The following PINK1 variants were observed in gnomAD, a reference collection of about 807,000 sequenced individuals.
PINK1 encodes PTEN induced kinase 1.
Under a neutral mutation model 56.0 loss-of-function variants are expected in PINK1, and 58 were observed. The observed-to-expected ratio is 1.04, with a 90% CI of 0.84 to 1.29. PINK1 has a LOEUF of 1.29. PINK1 is among the 50% of genes most tolerant of loss of function. The pLI is 0.00. For missense variants in PINK1, 745 were observed against 777.9 expected (o/e 0.96, Z 0.50); for synonymous variants, 354 against 339.3 (o/e 1.04, Z -0.48).
Position 20,633,955 on chromosome 1 carries a change from A to T in PINK1, c.387+20A>T. ...ATCCAGGTGAGCGGGGCCGGGTCCT[A>T]AGCCGAGCGGAGGACGGAGCTAAGC... On this transcript the variant is annotated intron_variant, in intron 1 of 7. Coordinates refer to ENST00000321556, the MANE Select transcript of PINK1 (RefSeq NM_032409.3). 2.5e-6 allele frequency: 4 copies of T among 1,575,910 alleles called. No homozygotes were observed. The African/African-American group carries it at 5.4e-5, about 21-fold the overall frequency.
intron 4 of PINK1, 79 bp downstream of exon 4, chr1:20,644,751 T>C: frequency 1.9e-6 from 3 of 1,542,738 alleles, no homozygotes; most frequent in Non-Finnish European, 2.7e-6. Flanking sequence ...CATGTGCACC[T>C]TGATCAGGGG....
chr1:20,645,429 C>T, intron 4 of PINK1, 131 bp from the exon 5 acceptor site: 5 of 1,044,108 alleles, frequency 4.8e-6, no homozygotes, highest in East Asian at 2.6e-5. Context: ...GTGGAGGTTG[C>T]AGTGAGCCAA....
intron 5 of PINK1, among the ~76,000 whole-genome samples, chr1:20,646,875 CTTATTTAT>C (rs113841130): frequency 3.5e-4 from 49 of 140,168 alleles, no homozygotes; most frequent in East Asian, 6.1e-4. Flanking sequence ...TATTTATTTA[CTTATTTAT>C]TTATTTATTT....
At position 20,638,230 on chromosome 1, in the gene PINK1, G is replaced by C. The variant is rs148561148; in HGVS notation, c.675+101G>C. 9.5e-5 allele frequency: 133 copies of C among 1,398,706 alleles called. No homozygotes were observed. In the East Asian group the frequency reaches 3.2e-3, roughly 34 times the overall value. The allele number at this position is 1,398,706 out of a possible 1,614,324, so 86.6% of individuals were successfully genotyped here. A position where few individuals can be genotyped will look rare whatever the true frequency, so the allele number is the denominator to read the frequency against. The stretch of plus-strand genomic sequence containing the variant: ...TCCAGGAAGTAGGTAGGAAAAGACA[G>C]ATTATCCACAGGAAAGGTGCCTGTA... On this transcript the variant is annotated intron_variant, in intron 2 of 7. Coordinates refer to ENST00000321556, the MANE Select transcript of PINK1 (RefSeq NM_032409.3).
At chr1:20,634,113 G>A (rs2053029680) in intron 1 of PINK1, among the ~76,000 whole-genome samples, 178 bp downstream of exon 1, 1 of 152,196 alleles carries the variant, frequency 6.6e-6, no homozygotes, top group African/African-American at 2.4e-5. Context: ...TATAAATAAA[G>A]CCAGCACCTC....
intron 7 of PINK1, 141 bp from the exon 8 acceptor site, chr1:20,650,293 A>AGT: frequency 8.8e-7 from 1 of 1,132,910 alleles, no homozygotes; most frequent in Non-Finnish European, 1.3e-6. Context: ...TTGTCACCTG[A>AGT]GTGAAGGGCA....
Position 20,650,852 on chromosome 1 carries a change from A to G in PINK1, c.*161A>G. 1.1e-6 allele frequency: 1 copy of G among 931,030 alleles called. No homozygotes were observed. The highest frequency in any genetic ancestry group is 1.6e-6 in the Non-Finnish European group (1 of 608,426). 57.7% of individuals were successfully genotyped at this position (931,030 alleles called of 1,614,324 possible). On this transcript the variant is annotated 3_prime_UTR_variant, in exon 8 of 8. Transcript: ENST00000321556. Reference sequence around the variant, plus strand: ...CTTGGCAAATGGAAGAACTTGAGTGAGAGTTCAGTCTGCAGTCCTCTGCTC... The same window carrying G: ...CTTGGCAAATGGAAGAACTTGAGTGGGAGTTCAGTCTGCAGTCCTCTGCTC...
chr1:20,635,781 AG>A (rs1227012218), intron 1 of PINK1, among the ~76,000 whole-genome samples: 1 of 150,482 alleles, frequency 6.6e-6, no homozygotes, highest in East Asian at 2.0e-4. Context: ...CCCGGGAGGC[AG>A]GGCTTGCAGT....
rs61749520 is a variant in PINK1, at chr1:20,650,566, G to T, written c.1621G>T (p.Ala541Ser). 5.6e-6 allele frequency: 9 copies of T among 1,614,124 alleles called. No individual in the cohort carries two copies. In the African/African-American group the frequency reaches 1.2e-4, roughly 22 times the overall value. ...CCAACAATCGGCCGCCACTTTGTTG[G>T]CCAACAGGCTCACAGAGAAGTGTTG... ...LLQQSAATLLANRLTEKCCVE... is the reference protein window; with the variant it reads ...LLQQSAATLLSNRLTEKCCVE... Residue 541 changes from alanine (A) to serine (S), a missense_variant, in exon 8 of 8, where the codon GCC becomes TCC. Coordinates refer to ENST00000321556, the MANE Select transcript of PINK1 (RefSeq NM_032409.3).
intron 7 of PINK1, chr1:20,649,687 C>A: frequency 5.5e-6 from 1 of 183,324 alleles, no homozygotes; most frequent in Non-Finnish European, 1.2e-5. Context: ...ATCGTTTGAA[C>A]CCTGGAGGCA....
rs2053233024 is a variant in PINK1 at position 20,649,214 on chromosome 1, C to G, written c.1471C>G (p.Gln491Glu). The G allele has an allele frequency of 6.2e-7, 1 of 1,614,102 alleles. No homozygotes were observed. Among genetic ancestry groups the G allele is most frequent in the Admixed American group, 1.7e-5 (1 of 60,024 alleles). ...GAGACAGTTGGTGAGGGCACTGCTC[C>G]AGCGAGAGGCCAGCAAGGTGAGGCT... ...DVRQLVRALL[Q>E]REASKRPSAR... The change falls in exon 7 of 8, where the codon CAG becomes GAG. Residue 491 changes from glutamine (Q) to glutamate (E), a missense_variant. Physicochemically the swap from Gln to Glu is conservative, Grantham distance 29. Transcript: ENST00000321556.
rs200024387 is a variant in PINK1, at chr1:20,639,894, A to G, written c.678A>G (p.Ala226=). ...TGGGTTCCTTGTGGGTGTTCCAGGC[A>G]GGTTCCTCCAGCGAAGCCATCTTGA... ...LAIKMMWNIS[A]GSSSEAILNT... is the part of the protein sequence containing the mutation. The change falls in exon 3 of 8, where the codon GCA becomes GCG. Residue 226 remains alanine, a splice_region_variant and synonymous_variant. Coordinates refer to ENST00000321556, the MANE Select transcript of PINK1 (RefSeq NM_032409.3). The G allele has an allele frequency of 6.2e-7, 1 of 1,611,902 alleles. No homozygotes were observed. Among genetic ancestry groups the G allele is most frequent in the South Asian group, 1.1e-5 (1 of 90,434 alleles).
chr1:20,644,527 C>G lies in PINK1; in HGVS notation c.814C>G (p.Pro272Ala). ...AGGTCCCAAGCAACTAGCCCCTCAC[C>G]CCAACATCATCCGGGTTCTCCGCGC... ...KRGPKQLAPH[P>A]NIIRVLRAFT... The change falls in exon 4 of 8, where the codon CCC becomes GCC. Residue 272 changes from proline to alanine, a missense_variant. By Grantham distance (27) the Pro-to-Ala change is conservative. Transcript: ENST00000321556. 1.2e-6 allele frequency: 2 copies of G among 1,614,210 alleles called. No homozygotes were observed.
intron 5 of PINK1, 81 bp downstream of exon 5, chr1:20,645,804 C>A: frequency 1.3e-6 from 2 of 1,529,564 alleles, no homozygotes; most frequent in South Asian, 1.1e-5. Flanking sequence ...CTCTTCAGGT[C>A]CTCTCTGGTT....
chr1:20,642,990 T>C (rs1054987270), intron 3 of PINK1: 4 of 152,264 alleles, frequency 2.6e-5, no homozygotes, highest in South Asian at 2.1e-4. Flanking sequence ...CTTGAACTTG[T>C]AGGAACGTGG....
chr1:20,633,824 C>A lies in PINK1; in HGVS notation c.276C>A (p.Cys92Ter). The A allele has an allele frequency of 6.3e-7, 1 of 1,578,064 alleles. No homozygotes were observed. Among genetic ancestry groups the A allele is most frequent in the East Asian group, 2.3e-5 (1 of 43,432 alleles). Reference sequence around the variant, plus strand: ...AGTTCGTGGTGCGGGCCTGGGGCTGCGCGGGCCCTTGCGGCCGGGCAGTCT... The same window carrying A: ...AGTTCGTGGTGCGGGCCTGGGGCTGAGCGGGCCCTTGCGGCCGGGCAGTCT... ...QRQFVVRAWG[C>*]AGPCGRAVFL... is the part of the protein sequence containing the mutation. The change falls in exon 1 of 8, where the codon TGC becomes TGA. Residue 92 changes from cysteine to a stop codon, truncating the protein, a stop_gained. Transcript: ENST00000321556. LOFTEE classifies it high-confidence loss of function.
At chr1:20,647,053 A>ATTTTTTTTTTTTTT (rs71585775) in intron 5 of PINK1, among the ~76,000 whole-genome samples, 34 of 91,480 alleles carry the variant, frequency 3.7e-4, no homozygotes, top group African/African-American at 1.1e-3. Flanking sequence ...CTAATTTTTG[A>ATTTTTTTTTTTTTT]TTTTTTTTTT....
Position 20,645,281 on chromosome 1 carries a change from G to T in PINK1, c.960-279G>T, listed in dbSNP as rs1320179504. ...AGGTGGGTAGATCACTTGAGGTCAGGAGTTTGAGACCAGCCTGGCCAACAT... is the reference window on the plus strand; with the variant it reads ...AGGTGGGTAGATCACTTGAGGTCAGTAGTTTGAGACCAGCCTGGCCAACAT... On this transcript the variant is annotated intron_variant, in intron 4 of 7. Coordinates refer to ENST00000321556, the MANE Select transcript of PINK1 (RefSeq NM_032409.3). 2.0e-5 allele frequency among the ~76,000 whole-genome samples: 3 copies of T among 152,262 alleles called. No individual in the cohort carries two copies. The East Asian group carries it at 5.8e-4, about 29-fold the overall frequency.
At position 20,650,792 on chromosome 1, in the gene PINK1, G is replaced by A. The variant is rs981824997; in HGVS notation, c.*101G>A. The stretch of plus-strand genomic sequence containing the variant: ...GGTGGGAGTCAGGAGACAAGACAGC[G>A]CAGAGAGGGCTGGTTAGCCGGAAAA... On this transcript the variant is annotated 3_prime_UTR_variant, in exon 8 of 8. Coordinates refer to ENST00000321556, the MANE Select transcript of PINK1 (RefSeq NM_032409.3). The A allele has an allele frequency of 7.4e-6, 11 of 1,486,810 alleles. No individual in the cohort carries two copies. Among genetic ancestry groups the A allele is most frequent in the East Asian group, 4.8e-5 (2 of 41,328 alleles). 92.1% of individuals were successfully genotyped at this position (1,486,810 alleles called of 1,614,324 possible). A position where few individuals can be genotyped will look rare whatever the true frequency, so the allele number is the denominator to read the frequency against.
Sources: allele counts gnomAD v4.1 joint callset (sites outside exome capture counted in the v4.1 genomes callset), GRCh38; gene constraint gnomAD v4.1.1; transcripts MANE v1.5; gene names NCBI Gene and HGNC (gene_info 2026-07-23, HGNC 2026-07-21).